The following DCLK1 variants were observed in gnomAD, a reference collection of about 807,000 sequenced individuals.
The protein encoded by DCLK1 is serine/threonine-protein kinase DCLK1.
DCLK1 carries 16 observed loss-of-function variants against 86.2 expected under a neutral mutation model. That is an observed-to-expected ratio of 0.19 (90% CI 0.13 to 0.28). The LOEUF (loss-of-function observed/expected upper bound fraction) is 0.28. Among genes scored for constraint, DCLK1 ranks in the 10% least tolerant of loss-of-function variants. The pLI, the probability that DCLK1 is intolerant of heterozygous loss-of-function variation, is 1.00. For missense variants in DCLK1, 590 were observed against 940.2 expected, an observed-to-expected ratio of 0.63 and a Z score of 4.87; for synonymous variants, 369 against 370.5, an observed-to-expected ratio of 1.00 and a Z score of 0.05.
chr13:35,999,413 G>A (rs1880614936), intron 3 of DCLK1, among the ~76,000 whole-genome samples: 1 of 152,142 alleles, frequency 6.6e-6, no homozygotes, highest in South Asian at 2.1e-4. Flanking sequence ...CAAAAGTTTG[G>A]CACACTGTGT....
intron 3 of DCLK1, among the ~76,000 whole-genome samples, chr13:35,974,816 C>G (rs547632031): frequency 6.6e-6 from 1 of 152,292 alleles, no homozygotes; most frequent in African/African-American, 2.4e-5. Context: ...TCAGATGGAA[C>G]CAACCCTGCC....
chr13:36,126,095 G>A lies in DCLK1; in HGVS notation c.43C>T (p.Arg15Trp). ...CGGCTGTATCTCTGCGCCTTATCCC[G>A]CTCGTCGAAGTGCTCCAGCTCCATG... ...RDMELEHFDERDKAQRYSRGS... is the reference protein window; with the variant it reads ...RDMELEHFDEWDKAQRYSRGS... The change falls in exon 2 of 17, where the codon CGG becomes TGG. Residue 15 changes from arginine to tryptophan, a missense_variant. By Grantham distance (101) the Arg-to-Trp change is moderately radical. Coordinates refer to ENST00000360631, the MANE Select transcript of DCLK1 (RefSeq NM_001330071.2). The A allele has an allele frequency of 6.2e-7, 1 of 1,607,528 alleles. No individual in the cohort carries two copies. The highest frequency in any genetic ancestry group is 8.5e-7 in the Non-Finnish European group (1 of 1,177,288).
intron 3 of DCLK1, among the ~76,000 whole-genome samples, chr13:35,995,330 T>A (rs1880421274): frequency 6.6e-6 from 1 of 152,200 alleles, no homozygotes; most frequent in South Asian, 2.1e-4. Context: ...GTTCACTTTA[T>A]TACGAAATCT....
intron 3 of DCLK1, among the ~76,000 whole-genome samples, chr13:36,085,347 T>G (rs1280062063): frequency 1.3e-5 from 2 of 151,976 alleles, no homozygotes; most frequent in East Asian, 1.9e-4. Flanking sequence ...GTTTATTGTG[T>G]TTTTTTTCCA....
intron 14 of DCLK1, among the ~76,000 whole-genome samples, chr13:35,806,368 C>T (rs1051280131): frequency 6.6e-6 from 1 of 151,980 alleles, no homozygotes; most frequent in Non-Finnish European, 1.5e-5. Flanking sequence ...CCAGACAAAT[C>T]AATACAAAGA....
At chr13:35,978,210 T>C (rs1316922097) in intron 3 of DCLK1, among the ~76,000 whole-genome samples, 3 of 141,166 alleles carry the variant, frequency 2.1e-5, no homozygotes, top group Non-Finnish European at 4.6e-5. Flanking sequence ...TTTCTTTTTT[T>C]TTTTTTTTTT....
At chr13:36,070,926 T>TTG (rs1490575000) in intron 3 of DCLK1, among the ~76,000 whole-genome samples, 15 of 152,280 alleles carry the variant, frequency 9.9e-5, no homozygotes, top group African/African-American at 3.4e-4. Context: ...ATTACAGGCG[T>TTG]GAGCCACCGC....
chr13:36,108,612 T>C (rs2138182634), intron 3 of DCLK1, among the ~76,000 whole-genome samples: 1 of 152,350 alleles, frequency 6.6e-6, no homozygotes, highest in South Asian at 2.1e-4. Context: ...TTTCATGCCA[T>C]GGATACATCT....
Position 35,941,206 on chromosome 13 carries a change from T to C in DCLK1, c.823+6152A>G, listed in dbSNP as rs112081911. On this transcript the variant is annotated intron_variant, in intron 4 of 16. Coordinates refer to ENST00000360631, the MANE Select transcript of DCLK1 (RefSeq NM_001330071.2). ...AATCACTTTTTTTTGCCATTACTTT[T>C]AATGGCAGAAGCCGTGATTACTTTT... is the stretch of plus-strand genomic sequence containing the variant. 5.2e-3 allele frequency among the ~76,000 whole-genome samples: 798 copies of C among 152,242 alleles called. 4 individuals carry two copies. Among genetic ancestry groups the C allele is most frequent in the Middle Eastern group, 0.045 (13 of 292 alleles).
chr13:36,021,305 T>C (rs568029740), intron 3 of DCLK1, among the ~76,000 whole-genome samples: 2 of 149,948 alleles, frequency 1.3e-5, no homozygotes, highest in South Asian at 4.2e-4. Flanking sequence ...AACACTTATT[T>C]AATTGAAAAA....
At chr13:35,923,347 C>T (rs1253139987) in intron 4 of DCLK1, among the ~76,000 whole-genome samples, 1 of 151,976 alleles carries the variant, frequency 6.6e-6, no homozygotes, top group Non-Finnish European at 1.5e-5. Flanking sequence ...CTCTGGAGCA[C>T]AGTCCAAGAT....
chr13:35,896,895 G>T (rs779844388), intron 4 of DCLK1, among the ~76,000 whole-genome samples: 3 of 152,184 alleles, frequency 2.0e-5, no homozygotes, highest in Non-Finnish European at 4.4e-5. Context: ...CTTGAGGGTT[G>T]TGAGTGTGGA....
At chr13:35,829,612 T>G (rs955660946) in intron 8 of DCLK1, among the ~76,000 whole-genome samples, 1 of 152,176 alleles carries the variant, frequency 6.6e-6, no homozygotes, top group Non-Finnish European at 1.5e-5. Flanking sequence ...ATTTTTCATG[T>G]CATTTACTCC....
At chr13:36,078,346 A>T (rs1439891970) in intron 3 of DCLK1, among the ~76,000 whole-genome samples, 1 of 152,204 alleles carries the variant, frequency 6.6e-6, no homozygotes, top group East Asian at 1.9e-4. Flanking sequence ...TACCACTTAC[A>T]TCTTCTTCCA....
intron 4 of DCLK1, among the ~76,000 whole-genome samples, chr13:35,918,164 C>G (rs370619717): frequency 5.9e-5 from 9 of 152,152 alleles, no homozygotes; most frequent in African/African-American, 2.2e-4. Flanking sequence ...AAGGCATACA[C>G]AAATTTTTAT....
At chr13:35,778,511 GGGTGGGCT>G (rs1048546662) in intron 16 of DCLK1, among the ~76,000 whole-genome samples, 16 of 152,164 alleles carry the variant, frequency 1.1e-4, no homozygotes, top group African/African-American at 3.6e-4. Flanking sequence ...AGTAGGGTTG[GGGTGGGCT>G]TGTGACTCAG....
intron 16 of DCLK1, among the ~76,000 whole-genome samples, chr13:35,785,569 C>A (rs1361299698): frequency 2.0e-5 from 3 of 152,078 alleles, no homozygotes; most frequent in Admixed American, 2.0e-4. Flanking sequence ...AAAACAAATC[C>A]CCACTATTTG....
intron 4 of DCLK1, among the ~76,000 whole-genome samples, chr13:35,887,318 G>C (rs952137633): frequency 2.0e-5 from 3 of 152,172 alleles, no homozygotes; most frequent in Admixed American, 2.0e-4. Context: ...TCAGTGTTAG[G>C]CTGGACTTGC....
At chr13:35,791,088 A>G (rs1186792759) in intron 16 of DCLK1, among the ~76,000 whole-genome samples, 1 of 152,182 alleles carries the variant, frequency 6.6e-6, no homozygotes, top group Non-Finnish European at 1.5e-5. Context: ...CCTCATGTAC[A>G]TAGTATGGTA....
Sources: gnomAD v4.1 joint callset for allele counts (sites outside exome capture counted in the v4.1 genomes callset) on GRCh38, gnomAD v4.1.1 for gene constraint, MANE v1.5 for transcripts, NCBI Gene and HGNC (gene_info 2026-07-23, HGNC 2026-07-21) for gene names.